The following EXOC3L2 variants were observed in gnomAD, a reference collection of about 807,000 sequenced individuals.
EXOC3L2 encodes exocyst complex component 3 like 2, also known as exocyst complex component 3-like protein 2.
A neutral mutation model predicts 44.4 loss-of-function variants in EXOC3L2; 17 were observed. The observed-to-expected ratio is 0.38, with a 90% CI of 0.26 to 0.57. The LOEUF (loss-of-function observed/expected upper bound fraction) is 0.57, where lower values mean the gene tolerates loss of function less well. EXOC3L2 is among the 20% of genes least tolerant of loss of function. The probability of loss-of-function intolerance (pLI) is 0.65; values close to 1 mark genes in which losing one functional copy is unlikely to be tolerated. For synonymous variants in EXOC3L2, 256 were observed against 253.7 expected (o/e 1.01, Z -0.09); for missense variants, 541 against 588.4 (o/e 0.92, Z 0.83).
Position 45,228,153 on chromosome 19 carries a change from T to C in EXOC3L2, c.1371+12A>G. ...CATCCAGCCCATCCCCCAGCCTCCCTCCACCTCCTACCTCACACACATCCT... is the reference window on the plus strand; with the variant it reads ...CATCCAGCCCATCCCCCAGCCTCCCCCCACCTCCTACCTCACACACATCCT... On this transcript the variant is annotated intron_variant, in intron 5 of 11. Transcript: ENST00000413988. 1 of 1,613,862 alleles carries C rather than the reference T, an allele frequency of 6.2e-7. No homozygotes were observed. The highest frequency in any genetic ancestry group is 1.1e-5 in the South Asian group (1 of 91,068).
intron 6 of EXOC3L2, 64 bp downstream of exon 6, chr19:45,227,910 T>C: frequency 6.4e-7 from 1 of 1,553,844 alleles, no homozygotes; most frequent in Non-Finnish European, 8.8e-7. Context: ...CCTCTCTCTA[T>C]TGGATCCCAG....
chr19:45,227,831 C>T, intron 6 of EXOC3L2, 59 bp from the exon 7 acceptor site: 1 of 1,556,524 alleles, frequency 6.4e-7, no homozygotes, highest in East Asian at 2.3e-5. Context: ...TCGTGGGCAC[C>T]CAGCCTGCCA....
intron 4 of EXOC3L2, among the ~76,000 whole-genome samples, chr19:45,231,018 G>A (rs191200352): frequency 6.6e-6 from 1 of 152,186 alleles, no homozygotes; most frequent in African/African-American, 2.4e-5. Flanking sequence ...GAACCCAGGA[G>A]TTCGAGGCTG....
chr19:45,227,574 T>C (rs1756915330), intron 7 of EXOC3L2, 88 bp downstream of exon 7: 2 of 1,150,642 alleles, frequency 1.7e-6, no homozygotes, highest in Admixed American at 4.1e-5. Context: ...CTGAGTCAGT[T>C]CTGCAATCCC....
intron 11 of EXOC3L2, among the ~76,000 whole-genome samples, chr19:45,213,793 T>TAAA (rs376637056): frequency 7.4e-6 from 1 of 134,662 alleles, no homozygotes; most frequent in Non-Finnish European, 1.6e-5. Context: ...AAAAATACAT[T>TAAA]AAAAAAAAAA....
At chr19:45,244,911 C>G (rs949360220) in intron 1 of EXOC3L2, among the ~76,000 whole-genome samples, 1 of 151,872 alleles carries the variant, frequency 6.6e-6, no homozygotes, top group Non-Finnish European at 1.5e-5. Context: ...CTCGGTCTCT[C>G]CTGCTTGATC....
chr19:45,239,500 G>A (rs1011703127), intron 1 of EXOC3L2, among the ~76,000 whole-genome samples: 7 of 149,662 alleles, frequency 4.7e-5, no homozygotes, highest in Non-Finnish European at 8.9e-5. Context: ...ACAGGCGTGA[G>A]CCACCGCGCC....
At position 45,228,140 on chromosome 19, in the gene EXOC3L2, C is replaced by A. The variant is rs760425860; in HGVS notation, c.1371+25G>T. The A allele has an allele frequency of 1.4e-5, 23 of 1,613,534 alleles. No homozygotes were observed. The African/African-American group carries it at 2.3e-4, about 16-fold the overall frequency. ...AGGTCCCACTTTCCATCCAGCCCAT[C>A]CCCCAGCCTCCCTCCACCTCCTACC... On this transcript the variant is annotated intron_variant, in intron 5 of 11. Transcript: ENST00000413988.
At chr19:45,215,288 T>C (rs1969821242) in intron 11 of EXOC3L2, among the ~76,000 whole-genome samples, 1 of 152,058 alleles carries the variant, frequency 6.6e-6, no homozygotes, top group African/African-American at 2.4e-5. Context: ...CTGGGCAACA[T>C]GGTGAAACCC....
chr19:45,223,288 A>G (rs1288341340), intron 8 of EXOC3L2, among the ~76,000 whole-genome samples: 1 of 151,996 alleles, frequency 6.6e-6, no homozygotes, highest in African/African-American at 2.4e-5. Flanking sequence ...GGTGGCAGTA[A>G]GTGCTTTGGA....
At chr19:45,213,964 AAAAG>A (rs1357150193) in intron 11 of EXOC3L2, among the ~76,000 whole-genome samples, 1 of 151,878 alleles carries the variant, frequency 6.6e-6, no homozygotes. Context: ...AAAAGTAAAA[AAAAG>A]AAAGAAACCT....
At chr19:45,236,798 A>T (rs1236271710) in intron 2 of EXOC3L2, among the ~76,000 whole-genome samples, 1 of 151,944 alleles carries the variant, frequency 6.6e-6, no homozygotes, top group East Asian at 1.9e-4. Context: ...GGAGTTCAAG[A>T]CCAGCCTGGC....
intron 4 of EXOC3L2, among the ~76,000 whole-genome samples, chr19:45,229,526 A>T (rs1476067018): frequency 1.4e-5 from 2 of 147,774 alleles, no homozygotes; most frequent in Non-Finnish European, 3.0e-5. Flanking sequence ...AATAATACAT[A>T]TTATAAATAA....
Position 45,245,115 on chromosome 19 carries a change from G to A in EXOC3L2, c.-17+226C>T, listed in dbSNP as rs535857387. The stretch of plus-strand genomic sequence containing the variant: ...CCCTTGCACCCTTTGTGGACCCCGC[G>A]AGTCCTCAAATTCTCCCCTGCACCC... On this transcript the variant is annotated intron_variant, in intron 1 of 11. Transcript: ENST00000413988. Among the ~76,000 whole-genome samples the A allele has an allele frequency of 3.6e-4, 54 of 151,832 alleles. 1 individual carries two copies. The highest frequency in any genetic ancestry group is 5.9e-4 in the Non-Finnish European group (40 of 67,930).
intron 8 of EXOC3L2, among the ~76,000 whole-genome samples, chr19:45,222,214 T>G (rs1270444885): frequency 6.6e-6 from 1 of 151,164 alleles, no homozygotes; most frequent in Non-Finnish European, 1.5e-5. Flanking sequence ...TTTTTTTTTT[T>G]TTTGAGACGG....
chr19:45,242,342 G>A (rs960107310), intron 1 of EXOC3L2, among the ~76,000 whole-genome samples: 3 of 152,122 alleles, frequency 2.0e-5, no homozygotes, highest in African/African-American at 7.2e-5. Flanking sequence ...ATGGCTGGCT[G>A]CAGCCTTGAA....
Position 45,227,713 on chromosome 19 carries a change from T to C in EXOC3L2, c.1532A>G (p.Asp511Gly). 1 of 1,613,022 alleles carries C rather than the reference T, an allele frequency of 6.2e-7. No individual in the cohort carries two copies. The highest frequency in any genetic ancestry group is 8.5e-7 in the Non-Finnish European group (1 of 1,179,844). The change falls in exon 7 of 12, where the codon GAC becomes GGC. Residue 511 changes from aspartate (D) to glycine (G), a missense_variant. Physicochemically the swap from Asp to Gly is moderately conservative, Grantham distance 94 (BLOSUM62 -1). Coordinates refer to ENST00000413988, the MANE Select transcript of EXOC3L2 (RefSeq NM_001382422.1). ...GGCGATGGTCTTGCTGATATAGGTG[T>C]CAGGTAGCATCTCCCGGACTGCTGG... ...ENPAVREMLP[D>G]TYISKTIALV...
intron 1 of EXOC3L2, among the ~76,000 whole-genome samples, chr19:45,242,094 G>T (rs144145427): frequency 1.3e-5 from 2 of 152,322 alleles, no homozygotes; most frequent in African/African-American, 4.8e-5. Context: ...CCTTGATAAG[G>T]GACAGGCTTT....
intron 4 of EXOC3L2, among the ~76,000 whole-genome samples, chr19:45,229,359 GTAATA>G (rs899880998): frequency 5.0e-5 from 7 of 138,938 alleles, no homozygotes; most frequent in African/African-American, 1.8e-4. Context: ...TGTTATATAT[GTAATA>G]TATTTATATA....
Sources: gnomAD v4.1 joint callset for allele counts (sites outside exome capture counted in the v4.1 genomes callset) on GRCh38, gnomAD v4.1.1 for gene constraint, MANE v1.5 for transcripts, NCBI Gene and HGNC (gene_info 2026-07-23, HGNC 2026-07-21) for gene names.